Variants in CD9 observed in about 807,000 individuals in gnomAD.
CD9 encodes the protein CD9 molecule, also known as CD9 antigen.
Under a neutral mutation model 31.4 loss-of-function variants are expected in CD9, and 10 were observed. That is an observed-to-expected ratio of 0.32 (90% CI 0.20 to 0.54). The LOEUF (loss-of-function observed/expected upper bound fraction) is 0.54. CD9 is among the 20% of genes least tolerant of loss of function. The pLI is 0.94. For synonymous variants in CD9, 113 were observed against 114.1 expected, an observed-to-expected ratio of 0.99 and a Z score of 0.06; for missense variants, 259 against 300.1, an observed-to-expected ratio of 0.86 and a Z score of 1.01.
At chr12:6,219,578 C>T (rs571703700) in intron 1 of CD9, among the ~76,000 whole-genome samples, 20 of 151,966 alleles carry the variant, frequency 1.3e-4, no homozygotes, top group African/African-American at 4.3e-4. Context: ...CTCCGCCTCC[C>T]GGGTTCACTC....
chr12:6,201,306 C>A (rs888784678), intron 1 of CD9, among the ~76,000 whole-genome samples: 1 of 152,060 alleles, frequency 6.6e-6, no homozygotes, highest in Non-Finnish European at 1.5e-5. Flanking sequence ...GGAGAGAACT[C>A]AGAGTTCGGG....
At chr12:6,200,855 C>G (rs890657049) in intron 1 of CD9, 13 of 349,710 alleles carry the variant, frequency 3.7e-5, no homozygotes, top group Non-Finnish European at 5.2e-5. Flanking sequence ...CACTTTAGCT[C>G]GCCTAGGATT....
chr12:6,232,488 G>A lies in CD9; in HGVS notation c.176-144G>A. On this transcript the variant is annotated intron_variant, in intron 2 of 7. Transcript: ENST00000009180. The surrounding 1 kb of genome is among the most constrained non-coding windows in gnomAD (Gnocchi z 4.8). ...GGTGGAAGAGGAGGCTGTATTTTAA[G>A]GAAAGGGAACTTCTTCCCTGAGATG... is the stretch of plus-strand genomic sequence containing the variant. The A allele has an allele frequency of 1.5e-6, 1 of 675,296 alleles. No individual in the cohort carries two copies. Among genetic ancestry groups the A allele is most frequent in the Non-Finnish European group, 2.7e-6 (1 of 374,392 alleles). The allele number at this position is 675,296 out of a possible 1,614,324, so 41.8% of individuals were successfully genotyped here. A position where few individuals can be genotyped will look rare whatever the true frequency, so the allele number is the denominator to read the frequency against.
chr12:6,232,772 C>G lies in CD9; in HGVS notation c.273+43C>G. On this transcript the variant is annotated intron_variant, in intron 3 of 7. Transcript: ENST00000009180. The surrounding 1 kb of genome is among the most constrained non-coding windows in gnomAD (Gnocchi z 4.8). Reference sequence around the variant, plus strand: ...ATCCCCACAGCCACCCTGACTCCCACCAACAAAAACCTCAGCAGGCCCAGA... The same window carrying G: ...ATCCCCACAGCCACCCTGACTCCCAGCAACAAAAACCTCAGCAGGCCCAGA... 7.8e-7 allele frequency: 1 copy of G among 1,286,098 alleles called. No individual in the cohort carries two copies. The highest frequency in any genetic ancestry group is 2.0e-5 in the Admixed American group (1 of 50,148). 79.7% of individuals were successfully genotyped at this position (1,286,098 alleles called of 1,614,324 possible).
chr12:6,205,707 TTAA>T (rs1287498492), intron 1 of CD9, among the ~76,000 whole-genome samples: 15 of 152,244 alleles, frequency 9.9e-5, no homozygotes, highest in African/African-American at 3.6e-4. Context: ...GGTTTGGAAC[TTAA>T]TAATACCTTG....
intron 1 of CD9, among the ~76,000 whole-genome samples, chr12:6,209,754 G>A (rs1379712782): frequency 1.4e-5 from 2 of 147,720 alleles, no homozygotes; most frequent in Non-Finnish European, 3.0e-5. Context: ...GCACAATCTC[G>A]GCTCACTGCA....
chr12:6,238,099 A>G lies in CD9; in HGVS notation c.*271A>G, dbSNP rs1946543626. On this transcript the variant is annotated 3_prime_UTR_variant, in exon 8 of 8. Coordinates refer to ENST00000009180, the MANE Select transcript of CD9 (RefSeq NM_001769.4). ...GTTTTTGCTTGTTATATTAAGCAGA[A>G]ATCCTGCAATGAAAGGTACTATATT... 2.9e-6 allele frequency: 1 copy of G among 342,092 alleles called. No homozygotes were observed. The highest frequency in any genetic ancestry group is 3.1e-5 in the South Asian group (1 of 32,098). The allele number at this position is 342,092 out of a possible 1,614,324, so 21.2% of individuals were successfully genotyped here.
chr12:6,213,971 C>G (rs1339198218), intron 1 of CD9, among the ~76,000 whole-genome samples: 3 of 152,208 alleles, frequency 2.0e-5, no homozygotes, highest in African/African-American at 7.2e-5. Flanking sequence ...CCAAATTCAA[C>G]ACGTCCAAGC....
At chr12:6,229,011 G>A (rs1322217916) in intron 2 of CD9, among the ~76,000 whole-genome samples, 1 of 152,246 alleles carries the variant, frequency 6.6e-6, no homozygotes, top group Non-Finnish European at 1.5e-5. Context: ...CCAACATTCA[G>A]AACAGTCTAT....
rs565771631 is a variant in CD9, at chr12:6,220,064, A to T, written c.67-5362A>T. Among the ~76,000 whole-genome samples, 106 of 152,328 alleles carry T rather than the reference A, an allele frequency of 7.0e-4. 1 individual carries two copies. The highest frequency in any genetic ancestry group is 2.4e-3 in the African/African-American group (99 of 41,586). On this transcript the variant is annotated intron_variant, in intron 1 of 7. Transcript: ENST00000009180. The stretch of plus-strand genomic sequence containing the variant: ...TGCTGAGATGGGAGGCAAACCCCAG[A>T]TAGAGGAAGGGCAGAGAGTGTGGAG...
chr12:6,203,239 A>G (rs986645225), intron 1 of CD9, among the ~76,000 whole-genome samples: 2 of 152,098 alleles, frequency 1.3e-5, no homozygotes, highest in Non-Finnish European at 2.9e-5. Flanking sequence ...ACTTTACCCA[A>G]CTGGTTTTGG....
chr12:6,207,556 T>C lies in CD9; in HGVS notation c.66+6991T>C, dbSNP rs549382846. Among the ~76,000 whole-genome samples, 13 of 152,360 alleles carry C rather than the reference T, an allele frequency of 8.5e-5. No individual in the cohort carries two copies. In the South Asian group the frequency reaches 2.7e-3, roughly 32 times the overall value. ...TCTTGGCTTAGCTTTTCCCAGAGCT[T>C]GGTGCTTCATCTTTGTTCAGGAAGA... On this transcript the variant is annotated intron_variant, in intron 1 of 7. Transcript: ENST00000009180.
At position 6,237,986 on chromosome 12, in the gene CD9, G is replaced by T; in HGVS notation, c.*158G>T. The T allele has an allele frequency of 1.8e-6, 1 of 555,822 alleles. No individual in the cohort carries two copies. Among genetic ancestry groups the T allele is most frequent in the South Asian group, 2.2e-5 (1 of 45,464 alleles). The allele number at this position is 555,822 out of a possible 1,614,324, so 34.4% of individuals were successfully genotyped here. On this transcript the variant is annotated 3_prime_UTR_variant, in exon 8 of 8. Coordinates refer to ENST00000009180, the MANE Select transcript of CD9 (RefSeq NM_001769.4). ...TAGATAAAAGCTGAAGTTACTTTAT[G>T]TTTGTCTTTTAATGCTTCATTCAAT... is the stretch of plus-strand genomic sequence containing the variant.
intron 1 of CD9, 179 bp from the exon 2 acceptor site, chr12:6,225,247 T>G: frequency 1.7e-6 from 1 of 582,176 alleles, no homozygotes; most frequent in Non-Finnish European, 3.1e-6. Context: ...TTGCTGGTAT[T>G]TTTAGTACCT....
chr12:6,203,706 C>G (rs1274419972), intron 1 of CD9, among the ~76,000 whole-genome samples: 1 of 152,096 alleles, frequency 6.6e-6, no homozygotes, highest in African/African-American at 2.4e-5. Context: ...GCCCACCCCC[C>G]AAAAAACAGT....
At chr12:6,229,653 C>T (rs142916466) in intron 2 of CD9, among the ~76,000 whole-genome samples, 1 of 152,252 alleles carries the variant, frequency 6.6e-6, no homozygotes, top group African/African-American at 2.4e-5. Context: ...TTCACACAAA[C>T]GGGCGTGGTG....
At chr12:6,221,886 T>G (rs1946296510) in intron 1 of CD9, among the ~76,000 whole-genome samples, 1 of 149,940 alleles carries the variant, frequency 6.7e-6, no homozygotes, top group South Asian at 2.1e-4. Context: ...TCCCAGCTAC[T>G]CAGGAGGCTG....
At chr12:6,216,885 G>A (rs1177118300) in intron 1 of CD9, among the ~76,000 whole-genome samples, 2 of 151,974 alleles carry the variant, frequency 1.3e-5, no homozygotes, top group African/African-American at 4.8e-5. Flanking sequence ...CTTTCTCAGG[G>A]TTTATTATTA....
At chr12:6,223,832 C>G (rs1946326233) in intron 1 of CD9, among the ~76,000 whole-genome samples, 1 of 152,186 alleles carries the variant, frequency 6.6e-6, no homozygotes, top group African/African-American at 2.4e-5. Context: ...CCCAACCAAA[C>G]AGTGATCTGC....
Sources: allele counts gnomAD v4.1 joint callset (sites outside exome capture counted in the v4.1 genomes callset), GRCh38; gene constraint gnomAD v4.1.1; non-coding constraint Gnocchi (gnomAD v3.1); transcripts MANE v1.5; gene names NCBI Gene and HGNC (gene_info 2026-07-23, HGNC 2026-07-21).